Variants in PLEKHD1 observed in about 807,000 individuals in gnomAD.
The protein encoded by PLEKHD1 is pleckstrin homology domain-containing family D member 1.
In PLEKHD1, 51 loss-of-function variants were observed where a neutral mutation model predicts 69.2. That is an observed-to-expected ratio of 0.74 (90% CI 0.59 to 0.93). The LOEUF (loss-of-function observed/expected upper bound fraction) is 0.93. Ranked by LOEUF, PLEKHD1 falls within the 40% of genes least tolerant of loss-of-function variation. PLEKHD1 has a pLI of 0.00. For synonymous variants in PLEKHD1, 236 were observed against 244.7 expected (o/e 0.96, Z 0.33); for missense variants, 584 against 641.0 (o/e 0.91, Z 0.96).
intron 6 of PLEKHD1, among the ~76,000 whole-genome samples, chr14:69,513,308 G>A (rs1177399282): frequency 2.6e-5 from 4 of 151,882 alleles, no homozygotes; most frequent in African/African-American, 7.3e-5. Context: ...AAAGATTCGC[G>A]AATCAGGCAG....
intron 12 of PLEKHD1, 35 bp from the exon 13 acceptor site, chr14:69,528,215 C>T (rs1178212008): frequency 6.5e-7 from 1 of 1,550,308 alleles, no homozygotes; most frequent in Non-Finnish European, 8.7e-7. Flanking sequence ...GGAGGGAGCA[C>T]TGTTCACAGG....
chr14:69,477,302 T>A, the PLEKHD1 span, among the ~76,000 whole-genome samples: 1 of 152,132 alleles, frequency 6.6e-6, no homozygotes, highest in East Asian at 1.9e-4. Flanking sequence ...CCCACCCCCA[T>A]GATTCAACTA....
At position 69,485,113 on chromosome 14, in the gene PLEKHD1, C is replaced by T. The variant is rs907323422; in HGVS notation, c.148C>T (p.Arg50Trp). 3 of 1,549,272 alleles carry T rather than the reference C, an allele frequency of 1.9e-6. No homozygotes were observed. Among genetic ancestry groups the T allele is most frequent in the Non-Finnish European group, 2.6e-6 (3 of 1,146,100 alleles). Residue 50 changes from arginine (R) to tryptophan (W), a missense_variant and splice_region_variant, in exon 1 of 13, where the codon CGG becomes TGG. Coordinates refer to ENST00000322564, the MANE Select transcript of PLEKHD1 (RefSeq NM_001161498.2). ...FGRPSAKWSR[R>W]FFIIKESFLL... ...CAGGCCGTCGGCCAAGTGGTCCCGG[C>T]GGTGAGTGCGCCCCCGCGCCCCAAG...
chr14:69,501,791 G>T lies in PLEKHD1; in HGVS notation c.468G>T (p.Gly156=), dbSNP rs1437900436. The T allele has an allele frequency of 1.3e-6, 2 of 1,551,550 alleles. No homozygotes were observed. Among genetic ancestry groups the T allele is most frequent in the Non-Finnish European group, 1.7e-6 (2 of 1,146,894 alleles). Residue 156 remains glycine (G), a synonymous_variant, in exon 5 of 13, where the codon GGG becomes GGT. Transcript: ENST00000322564. ...EAMIKSLEAQ[G]LQLAKEKQEY... ...TGATCAAAAGCCTGGAGGCCCAGGG[G>T]CTGCAGTTGGCTAAGGAAAAGCAGG...
intron 1 of PLEKHD1, among the ~76,000 whole-genome samples, chr14:69,486,201 C>T (rs1249460982): frequency 1.3e-5 from 2 of 152,162 alleles, no homozygotes; most frequent in African/African-American, 2.4e-5. Context: ...GAGGGGGCCT[C>T]CAATGTTCCC....
chr14:69,510,716 C>T (rs1194875861), intron 6 of PLEKHD1, among the ~76,000 whole-genome samples: 1 of 152,094 alleles, frequency 6.6e-6, no homozygotes, highest in Non-Finnish European at 1.5e-5. Flanking sequence ...AGTATTATTT[C>T]TTTCTTTGTA....
chr14:69,484,766 C>G lies in PLEKHD1; in HGVS notation c.-200C>G, dbSNP rs745592022. The G allele has an allele frequency of 5.1e-6, 3 of 589,058 alleles. No homozygotes were observed. In the South Asian group the frequency reaches 7.3e-5, roughly 14 times the overall value. The allele number at this position is 589,058 out of a possible 1,614,324, so 36.5% of individuals were successfully genotyped here. On this transcript the variant is annotated 5_prime_UTR_variant, in exon 1 of 13. Transcript: ENST00000322564. ...GGCCCTCTGCAATCCGGAGCCCAAG[C>G]CGCCGGCTACGCGCCCTGCGCCCCC...
At chr14:69,527,390 C>T in intron 11 of PLEKHD1, 58 bp downstream of exon 11, 3 of 1,547,328 alleles carry the variant, frequency 1.9e-6, no homozygotes, top group Non-Finnish European at 2.6e-6. Flanking sequence ...CAGATGGGAT[C>T]CCGGCCCTGT....
intron 1 of PLEKHD1, among the ~76,000 whole-genome samples, chr14:69,490,543 G>A (rs1213735261): frequency 1.3e-5 from 2 of 152,172 alleles, no homozygotes; most frequent in Non-Finnish European, 2.9e-5. Flanking sequence ...CATTACGGTT[G>A]TCTTACTGTT....
chr14:69,528,717 T>C lies in PLEKHD1; in HGVS notation c.*298T>C. ...ACCTGGTTGTATGTGGAGATTTGTG[T>C]CGGTTAGGGAGTGGGGTGGGGAGGT... is the stretch of plus-strand genomic sequence containing the variant. On this transcript the variant is annotated 3_prime_UTR_variant, in exon 13 of 13. Transcript: ENST00000322564. The C allele has an allele frequency of 2.5e-6, 1 of 403,872 alleles. No homozygotes were observed. The highest frequency in any genetic ancestry group is 4.5e-6 in the Non-Finnish European group (1 of 220,584). The allele number at this position is 403,872 out of a possible 1,614,324, so 25.0% of individuals were successfully genotyped here.
intron 6 of PLEKHD1, among the ~76,000 whole-genome samples, chr14:69,509,661 C>T (rs906358515): frequency 2.4e-4 from 37 of 151,930 alleles, no homozygotes; most frequent in South Asian, 4.2e-4. Flanking sequence ...TCTTAGGCCA[C>T]GCACGGTGGC....
At chr14:69,523,814 T>G (rs1006654964) in intron 7 of PLEKHD1, among the ~76,000 whole-genome samples, 2 of 152,112 alleles carry the variant, frequency 1.3e-5, no homozygotes, top group African/African-American at 2.4e-5. Context: ...TGACTGAAGC[T>G]TGTGAAGAAG....
At chr14:69,512,910 AAG>A (rs1555338069) in intron 6 of PLEKHD1, among the ~76,000 whole-genome samples, 1 of 151,850 alleles carries the variant, frequency 6.6e-6, no homozygotes, top group Non-Finnish European at 1.5e-5. Flanking sequence ...AAAAAAAAAA[AAG>A]AGAGAGAGAG....
Position 69,524,229 on chromosome 14 carries a change from G to A in PLEKHD1, c.651G>A (p.Arg217=), listed in dbSNP as rs1016778422. 3.2e-6 allele frequency: 5 copies of A among 1,550,596 alleles called. No homozygotes were observed. Among genetic ancestry groups the A allele is most frequent in the Admixed American group, 3.9e-5 (2 of 50,996 alleles). ...CATACCCAGCCCTCTGTCTCCACAG[G>A]GAGCTGGAACTGACTGCAAGATGCC... ...ELRMEQEQIK[R]ELELTARCLK... is the part of the protein sequence containing the mutation. Residue 217 remains arginine, a splice_region_variant and synonymous_variant, in exon 8 of 13, where the codon AGG becomes AGA. Transcript: ENST00000322564.
chr14:69,470,780 T>C, the PLEKHD1 span, among the ~76,000 whole-genome samples: 3 of 152,090 alleles, frequency 2.0e-5, no homozygotes, highest in African/African-American at 7.2e-5. Context: ...CTTTTTTTTT[T>C]CTTTGAGACA....
Position 69,526,093 on chromosome 14 carries a change from C to T in PLEKHD1, c.894C>T (p.Leu298=), listed in dbSNP as rs1883641264. The stretch of plus-strand genomic sequence containing the variant: ...AGATCGAGGAGAAGATGCAGCAGCT[C>T]TTAGAGGAGAAGCTCCTGGCAGAGA... ...LRQIEEKMQQ[L]LEEKLLAEKR... Residue 298 remains leucine, a synonymous_variant, in exon 9 of 13, where the codon CTC becomes CTT. Transcript: ENST00000322564. The T allele has an allele frequency of 6.4e-7, 1 of 1,551,020 alleles. No homozygotes were observed. Among genetic ancestry groups the T allele is most frequent in the Non-Finnish European group, 8.7e-7 (1 of 1,146,872 alleles).
chr14:69,528,311 G>A lies in PLEKHD1; in HGVS notation c.1413G>A (p.Lys471=), dbSNP rs1883708052. 7 of 1,551,630 alleles carry A rather than the reference G, an allele frequency of 4.5e-6. No individual in the cohort carries two copies. Among genetic ancestry groups the A allele is most frequent in the African/African-American group, 1.4e-5 (1 of 73,056 alleles). Residue 471 remains lysine (K), a synonymous_variant, in exon 13 of 13, where the codon AAG becomes AAA. Coordinates refer to ENST00000322564, the MANE Select transcript of PLEKHD1 (RefSeq NM_001161498.2). ...QLDANNMEEL[K]EVAKRLSRDQ... ...ATGCCAACAACATGGAGGAGCTAAA[G>A]GAGGTGGCCAAGCGGCTCAGCAGGG...
chr14:69,499,225 G>GCACACACACA (rs10551303), intron 1 of PLEKHD1, among the ~76,000 whole-genome samples: 7 of 144,320 alleles, frequency 4.9e-5, no homozygotes, highest in South Asian at 2.3e-4. Flanking sequence ...TCTCATACGT[G>GCACACACACA]CACACACACA....
chr14:69,476,872 G>T, the PLEKHD1 span, among the ~76,000 whole-genome samples: 1 of 152,270 alleles, frequency 6.6e-6, no homozygotes, highest in Admixed American at 6.5e-5. Context: ...AAAGAAAGAG[G>T]TTTATTGGAC....
Sources: allele counts gnomAD v4.1 joint callset (sites outside exome capture counted in the v4.1 genomes callset), GRCh38; gene constraint gnomAD v4.1.1; transcripts MANE v1.5; gene names NCBI Gene and HGNC (gene_info 2026-07-23, HGNC 2026-07-21).